Variants in ZBTB20 observed in about 807,000 individuals in gnomAD.
ZBTB20 encodes zinc finger and BTB domain containing 20.
A neutral mutation model predicts 56.9 loss-of-function variants in ZBTB20; 9 were observed. The observed-to-expected ratio is 0.16, with a 90% CI of 0.10 to 0.28. ZBTB20 has a LOEUF of 0.28. ZBTB20 is among the 10% of genes least tolerant of loss of function. The pLI is 1.00. For missense variants in ZBTB20, 655 were observed against 1,003.0 expected, an observed-to-expected ratio of 0.65 and a Z score of 4.69; for synonymous variants, 417 against 420.7, an observed-to-expected ratio of 0.99 and a Z score of 0.11.
At chr3:114,679,238 C>T (rs922199266) in intron 6 of ZBTB20, among the ~76,000 whole-genome samples, 2 of 152,184 alleles carry the variant, frequency 1.3e-5, no homozygotes, top group African/African-American at 4.8e-5. Context: ...GACTTCATGA[C>T]TAAAACACCA....
chr3:114,942,185 G>T (rs2076743265), intron 3 of ZBTB20, among the ~76,000 whole-genome samples: 2 of 145,362 alleles, frequency 1.4e-5, no homozygotes, highest in East Asian at 1.9e-4. Flanking sequence ...AGTATTATTT[G>T]GATTCTCAGA....
intron 7 of ZBTB20, among the ~76,000 whole-genome samples, chr3:114,435,238 A>G (rs961165685): frequency 6.6e-6 from 1 of 152,136 alleles, no homozygotes; most frequent in African/African-American, 2.4e-5. Flanking sequence ...AACTCTTTAA[A>G]AAAAAAAACT....
At chr3:115,097,815 T>C (rs2083435508) in intron 1 of ZBTB20, among the ~76,000 whole-genome samples, 1 of 152,202 alleles carries the variant, frequency 6.6e-6, no homozygotes, top group Non-Finnish European at 1.5e-5. Context: ...CAAATCCCTA[T>C]ACAGCAGAGT....
intron 2 of ZBTB20, among the ~76,000 whole-genome samples, chr3:115,026,346 C>T (rs898688076): frequency 6.6e-6 from 1 of 150,986 alleles, no homozygotes; most frequent in Non-Finnish European, 1.5e-5. Flanking sequence ...CATATAAATA[C>T]CTTATTTGCT....
At chr3:115,083,241 T>C (rs1349996252) in intron 1 of ZBTB20, among the ~76,000 whole-genome samples, 1 of 152,100 alleles carries the variant, frequency 6.6e-6, no homozygotes, top group Non-Finnish European at 1.5e-5. Context: ...AGGAATATTA[T>C]TAAAGAATAA....
chr3:114,811,720 G>T (rs551233025), intron 4 of ZBTB20, among the ~76,000 whole-genome samples: 2 of 152,270 alleles, frequency 1.3e-5, no homozygotes, highest in South Asian at 4.1e-4. Context: ...ACCCGTAATA[G>T]TAAAGATTAC....
chr3:114,608,384 C>T (rs973130450), intron 6 of ZBTB20, among the ~76,000 whole-genome samples: 1 of 152,100 alleles, frequency 6.6e-6, no homozygotes, highest in Non-Finnish European at 1.5e-5. Flanking sequence ...AAGGCCCCTT[C>T]GTGAAAATTT....
chr3:114,759,452 C>T (rs2068279648), intron 5 of ZBTB20, among the ~76,000 whole-genome samples: 1 of 152,102 alleles, frequency 6.6e-6, no homozygotes, highest in Non-Finnish European at 1.5e-5. Flanking sequence ...CCATATGTTC[C>T]TCCACTTTAT....
intron 1 of ZBTB20, among the ~76,000 whole-genome samples, chr3:115,108,950 C>T (rs905588068): frequency 6.6e-6 from 1 of 152,118 alleles, no homozygotes; most frequent in South Asian, 2.1e-4. Flanking sequence ...GTTGTTACTA[C>T]TCCTATAAGC....
intron 6 of ZBTB20, among the ~76,000 whole-genome samples, chr3:114,621,714 C>T (rs919252259): frequency 2.6e-5 from 4 of 152,236 alleles, no homozygotes; most frequent in South Asian, 4.1e-4. Flanking sequence ...TCACAACATG[C>T]ATCCTCATTA....
At chr3:114,750,469 AG>A (rs2067476515) in intron 5 of ZBTB20, among the ~76,000 whole-genome samples, 1 of 152,232 alleles carries the variant, frequency 6.6e-6, no homozygotes, top group South Asian at 2.1e-4. Context: ...CAGAATTCCT[AG>A]GAATTGAGAA....
chr3:114,719,229 C>T (rs941945438), intron 5 of ZBTB20, among the ~76,000 whole-genome samples: 1 of 151,772 alleles, frequency 6.6e-6, no homozygotes, highest in Non-Finnish European at 1.5e-5. Flanking sequence ...GCCTGGAGGA[C>T]ACCTGCTGCT....
chr3:114,931,878 CA>C (rs1047733225), intron 3 of ZBTB20, among the ~76,000 whole-genome samples: 4 of 152,028 alleles, frequency 2.6e-5, no homozygotes, highest in African/African-American at 7.2e-5. Context: ...TTAAATAATA[CA>C]AAAACTTTAA....
intron 6 of ZBTB20, among the ~76,000 whole-genome samples, chr3:114,626,116 T>C (rs2058646953): frequency 1.3e-5 from 2 of 152,174 alleles, no homozygotes; most frequent in South Asian, 4.1e-4. Flanking sequence ...AATATTTCTT[T>C]AAAGTCCTTT....
intron 3 of ZBTB20, among the ~76,000 whole-genome samples, chr3:114,952,265 C>T (rs2077092846): frequency 6.6e-6 from 1 of 152,012 alleles, no homozygotes; most frequent in Non-Finnish European, 1.5e-5. Context: ...TTAGTTATCA[C>T]AGGAGTGAGT....
At chr3:115,083,366 T>C (rs2082865915) in intron 1 of ZBTB20, among the ~76,000 whole-genome samples, 1 of 152,028 alleles carries the variant, frequency 6.6e-6, no homozygotes, top group Non-Finnish European at 1.5e-5. Context: ...TATATAGTCT[T>C]TCTGCCATCT....
At chr3:115,098,341 T>C (rs2083453680) in intron 1 of ZBTB20, among the ~76,000 whole-genome samples, 1 of 152,114 alleles carries the variant, frequency 6.6e-6, no homozygotes, top group Admixed American at 6.5e-5. Flanking sequence ...ACACAGAAAA[T>C]GACAGGTGCA....
At chr3:114,643,455 G>A (rs777338523) in intron 6 of ZBTB20, among the ~76,000 whole-genome samples, 1 of 152,094 alleles carries the variant, frequency 6.6e-6, no homozygotes, top group Non-Finnish European at 1.5e-5. Flanking sequence ...CAAATGCTGT[G>A]TTGCACATTC....
At chr3:114,602,995 T>C (rs2056877045) in intron 6 of ZBTB20, among the ~76,000 whole-genome samples, 2 of 152,020 alleles carry the variant, frequency 1.3e-5, no homozygotes, top group Admixed American at 1.3e-4. Flanking sequence ...CTAAGGGCCA[T>C]CTATATTCTA....
Sources: gnomAD v4.1 joint callset for allele counts (sites outside exome capture counted in the v4.1 genomes callset) on GRCh38, gnomAD v4.1.1 for gene constraint, MANE v1.5 for transcripts, NCBI Gene and HGNC (gene_info 2026-07-23, HGNC 2026-07-21) for gene names.